Variants in COL4A6 observed in about 807,000 individuals in gnomAD.
COL4A6 encodes the protein collagen type IV alpha 6 chain, also known as collagen alpha-6(IV) chain.
Under a neutral mutation model 126.7 loss-of-function variants are expected in COL4A6, and 59 were observed. That is an observed-to-expected ratio of 0.47 (90% CI 0.38 to 0.58). The LOEUF is 0.58. COL4A6 is among the 20% of genes least tolerant of loss of function. The pLI, the probability that COL4A6 is intolerant of heterozygous loss-of-function variation, is 0.00. For missense variants in COL4A6, 1,285 were observed against 1,337.3 expected, an observed-to-expected ratio of 0.96 and a Z score of 0.61; for synonymous variants, 547 against 496.6, an observed-to-expected ratio of 1.10 and a Z score of -1.35.
chrX:108,174,351 C>A (rs992038416), intron 31 of COL4A6, 89 bp downstream of exon 31: 1 of 957,375 alleles, frequency 1.0e-6, no homozygotes, highest in Non-Finnish European at 1.5e-6. Context: ...GAGAAGTAAG[C>A]TGGGATCAGA....
At chrX:108,367,450 T>G (rs966545) in intron 2 of COL4A6, among the ~76,000 whole-genome samples, 7,977 of 111,446 alleles carry the variant, frequency 0.072, 627 homozygotes, top group African/African-American at 0.22. Flanking sequence ...CATACCCTCG[T>G]GTCTTAAAGA....
At chrX:108,426,947 C>T (rs2064096980) in intron 2 of COL4A6, among the ~76,000 whole-genome samples, 1 of 111,574 alleles carries the variant, frequency 9.0e-6, no homozygotes, top group East Asian at 2.8e-4. Context: ...ATACGGAACC[C>T]CCAAAAGGCT....
intron 3 of COL4A6, among the ~76,000 whole-genome samples, chrX:108,254,880 AGAG>A (rs745891813): frequency 4.9e-4 from 54 of 109,884 alleles, no homozygotes; most frequent in Non-Finnish European, 8.6e-4. Flanking sequence ...GTAGGTGAGG[AGAG>A]GAGAAGTTAG....
chrX:108,289,447 G>T (rs1335332247), intron 3 of COL4A6, among the ~76,000 whole-genome samples: 2 of 111,323 alleles, frequency 1.8e-5, no homozygotes, highest in Non-Finnish European at 3.8e-5. Flanking sequence ...GTATATGGGT[G>T]TTCTTTGTAC....
At chrX:108,424,560 G>A in intron 2 of COL4A6, among the ~76,000 whole-genome samples, 1 of 110,561 alleles carries the variant, frequency 9.0e-6, no homozygotes, top group Non-Finnish European at 1.9e-5. Flanking sequence ...AATCCATATT[G>A]ACCTCTCCCT....
At chrX:108,439,057 A>G (rs746903523), upstream of COL4A6, among the ~76,000 whole-genome samples, 3 of 112,416 alleles carry the variant, frequency 2.7e-5, no homozygotes, top group Admixed American at 2.8e-4. Flanking sequence ...AGCTGCCATC[A>G]ACTCTATTTA....
At chrX:108,194,243 A>G (rs2035142251) in intron 16 of COL4A6, among the ~76,000 whole-genome samples, 1 of 112,182 alleles carries the variant, frequency 8.9e-6, no homozygotes, top group Admixed American at 9.4e-5. Flanking sequence ...ATTTAAAACA[A>G]TAGTGAAACC....
chrX:108,422,499 T>C (rs768247392), intron 2 of COL4A6, among the ~76,000 whole-genome samples: 40 of 111,785 alleles, frequency 3.6e-4, no homozygotes, highest in African/African-American at 1.2e-3. Flanking sequence ...CAAAAATCCA[T>C]AAATGAACAC....
At chrX:108,282,162 A>C (rs1393407457) in intron 3 of COL4A6, among the ~76,000 whole-genome samples, 9 of 105,456 alleles carry the variant, frequency 8.5e-5, no homozygotes, top group Non-Finnish European at 1.4e-4. Flanking sequence ...TAATTAAACT[A>C]AAGAGCTTCT....
At position 108,187,209 on chromosome X, in the gene COL4A6, C is replaced by G; in HGVS notation, c.1838G>C (p.Gly613Ala). Residue 613 changes from glycine to alanine, a missense_variant, in exon 23 of 45, where the codon GGT becomes GCT. Physicochemically the swap from Gly to Ala is moderately conservative, Grantham distance 60. Coordinates refer to ENST00000334504, the MANE Select transcript of COL4A6 (RefSeq NM_033641.4). ...PGLPGEKGHP[G>A]PPGLPGNGLP... is the part of the protein sequence containing the mutation. ...CCCATTTCCTGGGAGGCCAGGTGGA[C>G]CAGGATGGCCTTTTTCACCAGGAAG... 1 of 1,193,944 alleles carries G rather than the reference C, an allele frequency of 8.4e-7. No individual in the cohort carries two copies. The highest frequency in any genetic ancestry group is 1.1e-6 in the Non-Finnish European group (1 of 884,545).
chrX:108,349,565 G>A (rs760519279), intron 2 of COL4A6, among the ~76,000 whole-genome samples: 1 of 111,259 alleles, frequency 9.0e-6, no homozygotes, highest in African/African-American at 3.3e-5. Flanking sequence ...AATACTTTCC[G>A]TATGGGGCTG....
chrX:108,348,353 A>AT (rs5903320), intron 2 of COL4A6, among the ~76,000 whole-genome samples: 25,348 of 108,531 alleles, frequency 0.23, 2,807 homozygotes, highest in East Asian at 0.72. Context: ...TTGTAGGGCT[A>AT]TTTTTTTTTG....
intron 7 of COL4A6, among the ~76,000 whole-genome samples, chrX:108,210,615 C>A (rs1375901331): frequency 8.9e-6 from 1 of 112,217 alleles, no homozygotes; most frequent in East Asian, 2.8e-4. Flanking sequence ...AATTTTGACA[C>A]CTGCTAGTCT....
At chrX:108,318,265 T>C (rs1211480301) in intron 2 of COL4A6, among the ~76,000 whole-genome samples, 2 of 111,618 alleles carry the variant, frequency 1.8e-5, no homozygotes, top group Non-Finnish European at 3.8e-5. Flanking sequence ...ACAGCCAGTA[T>C]CATAATGAAT....
chrX:108,157,181 G>C lies in COL4A6; in HGVS notation c.4892C>G (p.Pro1631Arg). The C allele has an allele frequency of 8.3e-7, 1 of 1,212,040 alleles. No homozygotes were observed. ...GSCLEDFRATPFIECSGARGT... is the reference protein window; with the variant it reads ...GSCLEDFRATRFIECSGARGT... ...TCGGGCACCACTGCATTCGATGAAA[G>C]GAGTGGCCCGAAAGTCCTCTAGGCA... Residue 1631 changes from proline to arginine, a missense_variant, in exon 45 of 45, where the codon CCT becomes CGT. Physicochemically the swap from Pro to Arg is moderately radical, Grantham distance 103 (BLOSUM62 -2). Transcript: ENST00000334504.
intron 3 of COL4A6, among the ~76,000 whole-genome samples, chrX:108,274,265 G>A (rs1304529304): frequency 1.8e-5 from 2 of 111,668 alleles, no homozygotes; most frequent in Non-Finnish European, 3.8e-5. Flanking sequence ...TGAGGAGAAA[G>A]CATGGCCCAG....
chrX:108,285,892 G>A (rs1294421108), intron 3 of COL4A6, among the ~76,000 whole-genome samples: 1 of 111,756 alleles, frequency 8.9e-6, no homozygotes, highest in Non-Finnish European at 1.9e-5. Flanking sequence ...GGGTAGGAGT[G>A]AGGTGGTCCC....
At chrX:108,280,780 G>A (rs1212205926) in intron 3 of COL4A6, among the ~76,000 whole-genome samples, 25 of 110,962 alleles carry the variant, frequency 2.3e-4, no homozygotes, top group South Asian at 7.7e-4. Flanking sequence ...GCAGCACATC[G>A]AAAAGCTTAT....
At chrX:108,356,589 A>G (rs1300234290) in intron 2 of COL4A6, among the ~76,000 whole-genome samples, 1 of 111,270 alleles carries the variant, frequency 9.0e-6, no homozygotes, top group African/African-American at 3.3e-5. Flanking sequence ...TTATCAAGTT[A>G]CCCCTGAGCC....
Sources: allele counts gnomAD v4.1 joint callset (sites outside exome capture counted in the v4.1 genomes callset), GRCh38; gene constraint gnomAD v4.1.1; transcripts MANE v1.5; gene names NCBI Gene and HGNC (gene_info 2026-07-23, HGNC 2026-07-21).